Variants in CLNK observed in about 807,000 individuals in gnomAD.
CLNK encodes the protein cytokine dependent hematopoietic cell linker.
CLNK carries 74 observed loss-of-function variants against 68.6 expected under a neutral mutation model. The ratio of observed to expected loss-of-function variants is 1.08; its 90% confidence interval spans 0.89 to 1.31. The LOEUF (loss-of-function observed/expected upper bound fraction) is 1.31. Among genes scored for constraint, CLNK ranks in the 50% most tolerant of loss-of-function variants. The probability of loss-of-function intolerance (pLI) is 0.00; values close to 1 mark genes in which losing one functional copy is unlikely to be tolerated. For missense variants in CLNK, 553 were observed against 515.3 expected (o/e 1.07, Z -0.71); for synonymous variants, 198 against 172.2 (o/e 1.15, Z -1.17).
intron 17 of CLNK, among the ~76,000 whole-genome samples, chr4:10,504,613 G>A (rs146209939): frequency 9.2e-5 from 14 of 152,216 alleles, no homozygotes; most frequent in Non-Finnish European, 2.1e-4. Context: ...ATAGGATGGC[G>A]GAATTTTCTG....
rs369683118 is a variant in CLNK at position 10,490,429 on chromosome 4, G to C, written c.*38C>G. 2 of 1,598,086 alleles carry C rather than the reference G, an allele frequency of 1.3e-6. No individual in the cohort carries two copies. The highest frequency in any genetic ancestry group is 1.7e-6 in the Non-Finnish European group (2 of 1,173,400). On this transcript the variant is annotated 3_prime_UTR_variant, in exon 19 of 19. Transcript: ENST00000226951. ...TGAAATCAATGAAAACAATGGAAGC[G>C]CTGAATCCAGTAAACCAAAGATAAC...
chr4:10,622,230 T>G (rs1027792423), intron 2 of CLNK, among the ~76,000 whole-genome samples: 1 of 152,186 alleles, frequency 6.6e-6, no homozygotes, highest in African/African-American at 2.4e-5. Flanking sequence ...GGAGTTATAA[T>G]GATATTATTC....
intron 18 of CLNK, among the ~76,000 whole-genome samples, chr4:10,493,384 A>G (rs1039358120): frequency 4.6e-5 from 7 of 152,270 alleles, no homozygotes; most frequent in African/African-American, 1.7e-4. Flanking sequence ...TGTATGTCTC[A>G]CTTTCTGGAG....
the CLNK span, among the ~76,000 whole-genome samples, chr4:10,732,803 C>T: frequency 6.6e-6 from 1 of 151,756 alleles, no homozygotes; most frequent in African/African-American, 2.4e-5. Flanking sequence ...TCTCTCTCTC[C>T]CTCCTCATGG....
At position 10,486,593 on chromosome 4, in the gene CLNK, A is replaced by C. The variant is rs1017910147; in HGVS notation, c.*3874T>G. 8 of 152,298 alleles carry C rather than the reference A, an allele frequency of 5.3e-5. No individual in the cohort carries two copies. The highest frequency in any genetic ancestry group is 1.9e-4 in the African/African-American group (8 of 41,560). 9.4% of individuals were successfully genotyped at this position (152,298 alleles called of 1,614,324 possible). A position where few individuals can be genotyped will look rare whatever the true frequency, so the allele number is the denominator to read the frequency against. On this transcript the variant is annotated 3_prime_UTR_variant, in exon 19 of 19. Coordinates refer to ENST00000226951, the MANE Select transcript of CLNK (RefSeq NM_052964.4). The stretch of plus-strand genomic sequence containing the variant: ...TTGGCTACATTCGACAATGGGGTTC[A>C]TTTGATTCCTCCGTAGTAATTAGAA...
Position 10,633,840 on chromosome 4 carries a change from T to C in CLNK, c.11+34019A>G, listed in dbSNP as rs531184176. 1.4e-3 allele frequency among the ~76,000 whole-genome samples: 207 copies of C among 152,384 alleles called. 1 individual carries two copies. The highest frequency in any genetic ancestry group is 4.8e-3 in the African/African-American group (201 of 41,594). On this transcript the variant is annotated intron_variant, in intron 2 of 18. Coordinates refer to ENST00000226951, the MANE Select transcript of CLNK (RefSeq NM_052964.4). Reference sequence around the variant, plus strand: ...CACATACAATATTTCATTTGTTCCCTATATCAGCCCTTTGTGGTTGGTTGT... The same window carrying C: ...CACATACAATATTTCATTTGTTCCCCATATCAGCCCTTTGTGGTTGGTTGT...
the CLNK span, among the ~76,000 whole-genome samples, chr4:10,701,741 G>A: frequency 6.6e-6 from 1 of 152,168 alleles, no homozygotes; most frequent in Non-Finnish European, 1.5e-5. Flanking sequence ...TTATAGACGG[G>A]AAAACTGAGG....
At chr4:10,628,469 G>A (rs1722761370) in intron 2 of CLNK, among the ~76,000 whole-genome samples, 2 of 152,144 alleles carry the variant, frequency 1.3e-5, no homozygotes, top group Admixed American at 6.5e-5. Context: ...TGTTAACTTT[G>A]TCAAAGTCAG....
rs115328998 is a variant in CLNK, at chr4:10,563,635, G to A, written c.399+1036C>T. Among the ~76,000 whole-genome samples, 785 of 152,260 alleles carry A rather than the reference G, an allele frequency of 5.2e-3. 16 individuals carry two copies. The highest frequency in any genetic ancestry group is 3.7e-3 in the Non-Finnish European group (251 of 68,024). ...TAGAAAATACTGACAATGGCCCGGC[G>A]CGGTGGCTCACGACCATAATCCCAG... On this transcript the variant is annotated intron_variant, in intron 7 of 18. Coordinates refer to ENST00000226951, the MANE Select transcript of CLNK (RefSeq NM_052964.4).
chr4:10,694,488 T>C, the CLNK span, among the ~76,000 whole-genome samples: 1 of 152,118 alleles, frequency 6.6e-6, no homozygotes, highest in South Asian at 2.1e-4. Context: ...TCATGTTGGA[T>C]AAGTTTAGAT....
Position 10,584,940 on chromosome 4 carries a change from G to A in CLNK, c.99C>T (p.Ile33=), listed in dbSNP as rs972788270. 21 of 1,613,658 alleles carry A rather than the reference G, an allele frequency of 1.3e-5. No individual in the cohort carries two copies. The highest frequency in any genetic ancestry group is 1.7e-5 in the Non-Finnish European group (20 of 1,179,824). The stretch of plus-strand genomic sequence containing the variant: ...GCCCCGACTCACCTGTGGCACTATT[G>A]ATGCGAGGCCATGACCTAGGGCAGA... ...SLPKNRSWPR[I]NSATGQYQRM... is the part of the protein sequence containing the mutation. The change falls in exon 4 of 19, where the codon ATC becomes ATT. Residue 33 remains isoleucine, a synonymous_variant. Transcript: ENST00000226951.
intron 3 of CLNK, among the ~76,000 whole-genome samples, 200 bp downstream of exon 3, chr4:10,597,778 A>G (rs1195038018): frequency 6.6e-6 from 1 of 152,160 alleles, no homozygotes; most frequent in East Asian, 1.9e-4. Context: ...GGGGCTTCTC[A>G]GCCTAGGTTT....
Position 10,507,964 on chromosome 4 carries a change from T to TGATGGG in CLNK, c.978_979insCCCATC (p.Glu326_Asn327insProIle). On this transcript the variant is annotated inframe_insertion, in exon 17 of 19. Coordinates refer to ENST00000226951, the MANE Select transcript of CLNK (RefSeq NM_052964.4). ...GGCCACGTAGAAGGCATTACCTTGTTCTCCTTCATGAATGCCTCTTCCACT... is the reference window on the plus strand; with the variant it reads ...GGCCACGTAGAAGGCATTACCTTGTTGATGGGCTCCTTCATGAATGCCTCTTCCACT... 6.2e-7 allele frequency: 1 copy of TGATGGG among 1,604,838 alleles called. No individual in the cohort carries two copies. Among genetic ancestry groups the TGATGGG allele is most frequent in the East Asian group, 2.2e-5 (1 of 44,770 alleles).
At chr4:10,720,398 T>C in the CLNK span, among the ~76,000 whole-genome samples, 1 of 151,768 alleles carries the variant, frequency 6.6e-6, no homozygotes, top group East Asian at 1.9e-4. Flanking sequence ...CAAAACCCGA[T>C]GAAAAAAATT....
rs905476421 is a variant in CLNK at position 10,490,351 on chromosome 4, C to G, written c.*116G>C. ...CCACTCTCTGTTATAGAGTGTTTTT[C>G]TTTTCTCCAAAGTTAAAAAAGTTGT... On this transcript the variant is annotated 3_prime_UTR_variant, in exon 19 of 19. Coordinates refer to ENST00000226951, the MANE Select transcript of CLNK (RefSeq NM_052964.4). 7 of 1,135,746 alleles carry G rather than the reference C, an allele frequency of 6.2e-6. No individual in the cohort carries two copies. The highest frequency in any genetic ancestry group is 5.2e-5 in the East Asian group (2 of 38,536). The allele number at this position is 1,135,746 out of a possible 1,614,324, so 70.4% of individuals were successfully genotyped here. A position where few individuals can be genotyped will look rare whatever the true frequency, so the allele number is the denominator to read the frequency against.
At chr4:10,660,527 A>G (rs1239886892) in intron 2 of CLNK, among the ~76,000 whole-genome samples, 1 of 152,228 alleles carries the variant, frequency 6.6e-6, no homozygotes, top group African/African-American at 2.4e-5. Flanking sequence ...CATTACTTAC[A>G]TGATAACAAA....
chr4:10,642,623 A>C (rs1723353292), intron 2 of CLNK, among the ~76,000 whole-genome samples: 1 of 152,162 alleles, frequency 6.6e-6, no homozygotes, highest in Admixed American at 6.5e-5. Context: ...TGGGTAAGTC[A>C]TGAAAACTTT....
Position 10,564,757 on chromosome 4 carries a change from C to T in CLNK, c.313G>A (p.Ala105Thr). 1 of 1,611,884 alleles carries T rather than the reference C, an allele frequency of 6.2e-7. No individual in the cohort carries two copies. Among genetic ancestry groups the T allele is most frequent in the Non-Finnish European group, 8.5e-7 (1 of 1,178,040 alleles). ...TCTAACGGAAGGGGAGTGTCCATTG[C>T]AACCTTGAAATAGTGTGTATCTATG... ...EYADTHYFKV[A>T]MDTPLPLDTR... Residue 105 changes from alanine (A) to threonine (T), a missense_variant, in exon 7 of 19, where the codon GCA (alanine) becomes ACA (threonine). Transcript: ENST00000226951.
chr4:10,633,344 C>T (rs894644531), intron 2 of CLNK, among the ~76,000 whole-genome samples: 2 of 152,220 alleles, frequency 1.3e-5, no homozygotes, highest in African/African-American at 4.8e-5. Context: ...ATTCTTTGTG[C>T]ATGTGTTACC....
Sources: gnomAD v4.1 joint callset for allele counts (sites outside exome capture counted in the v4.1 genomes callset) on GRCh38, gnomAD v4.1.1 for gene constraint, MANE v1.5 for transcripts, NCBI Gene and HGNC (gene_info 2026-07-23, HGNC 2026-07-21) for gene names.